Variants in CASD1 observed in about 807,000 individuals in gnomAD.
CASD1 encodes N-acetylneuraminate (7)9-O-acetyltransferase.
In CASD1, 41 loss-of-function variants were observed where a neutral mutation model predicts 100.0. That is an observed-to-expected ratio of 0.41 (90% CI 0.32 to 0.53). CASD1 has a LOEUF of 0.53. Ranked by LOEUF, CASD1 falls within the 20% of genes least tolerant of loss-of-function variation. The probability of loss-of-function intolerance (pLI) is 0.25; values close to 1 mark genes in which losing one functional copy is unlikely to be tolerated. For missense variants in CASD1, 774 were observed against 948.7 expected (o/e 0.82, Z 2.42); for synonymous variants, 321 against 315.6 (o/e 1.02, Z -0.18).
the CASD1 span, among the ~76,000 whole-genome samples, chr7:94,591,486 A>T: frequency 6.6e-6 from 1 of 152,178 alleles, no homozygotes; most frequent in African/African-American, 2.4e-5. Flanking sequence ...ACAAAAATCA[A>T]ACAGGATAAA....
chr7:94,558,795 TTTAA>T (rs569999823), downstream of CASD1, among the ~76,000 whole-genome samples: 18 of 152,244 alleles, frequency 1.2e-4, no homozygotes, highest in Admixed American at 7.2e-4. Context: ...TCTTATTTTA[TTTAA>T]TTAATTAATT....
At chr7:94,587,541 G>A in the CASD1 span, 3 of 1,307,448 alleles carry the variant, frequency 2.3e-6, no homozygotes, top group Non-Finnish European at 1.9e-6. Flanking sequence ...TGTGAAATTA[G>A]TGGTAGTAGG....
At chr7:94,588,361 A>T in the CASD1 span, 2 of 1,130,034 alleles carry the variant, frequency 1.8e-6, no homozygotes. Context: ...CAAATCCTGG[A>T]TGCATCCAAG....
chr7:94,624,442 A>G, the CASD1 span: 1 of 380,860 alleles, frequency 2.6e-6, no homozygotes, highest in South Asian at 1.5e-4. Flanking sequence ...TAAAAGGTAT[A>G]TATTTTGAAA....
At chr7:94,534,540 C>A (rs983641204) in intron 7 of CASD1, among the ~76,000 whole-genome samples, 105 of 152,168 alleles carry the variant, frequency 6.9e-4, no homozygotes, top group Non-Finnish European at 2.4e-4. Flanking sequence ...TAAATTGACA[C>A]CATCTGGTTT....
chr7:94,632,003 G>A, the CASD1 span, among the ~76,000 whole-genome samples: 1 of 151,970 alleles, frequency 6.6e-6, no homozygotes. Context: ...TTGTATCAAT[G>A]CCTATGGAAT....
At chr7:94,567,092 T>C in the CASD1 span, among the ~76,000 whole-genome samples, 9 of 152,294 alleles carry the variant, frequency 5.9e-5, no homozygotes, top group South Asian at 1.5e-3. Flanking sequence ...CTGTGATGTT[T>C]AGTCTTACTG....
chr7:94,631,212 C>T, the CASD1 span, among the ~76,000 whole-genome samples: 1 of 151,830 alleles, frequency 6.6e-6, no homozygotes, highest in Non-Finnish European at 1.5e-5. Flanking sequence ...TACTCAAGAA[C>T]AATGTACTTA....
the CASD1 span, among the ~76,000 whole-genome samples, chr7:94,570,509 C>T: frequency 3.2e-4 from 49 of 151,734 alleles, no homozygotes; most frequent in Admixed American, 1.5e-3. Context: ...CTTTTTTTGG[C>T]GGGGGGATGG....
At position 94,552,403 on chromosome 7, in the gene CASD1, C is replaced by A. The variant is rs1437805342; in HGVS notation, c.2010C>A (p.Leu670=). 1 of 1,610,292 alleles carries A rather than the reference C, an allele frequency of 6.2e-7. No homozygotes were observed. Among genetic ancestry groups the A allele is most frequent in the East Asian group, 2.2e-5 (1 of 44,694 alleles). Residue 670 remains leucine, a synonymous_variant, in exon 16 of 18, where the codon CTC becomes CTA. Coordinates refer to ENST00000297273, the MANE Select transcript of CASD1 (RefSeq NM_022900.5). ...AAAACAAAGCAGAGTGCAATGAACTCCATCCGTCTGTTTCTGTGGTACAGG... is the reference window on the plus strand; with the variant it reads ...AAAACAAAGCAGAGTGCAATGAACTACATCCGTCTGTTTCTGTGGTACAGG... ...SCKNKAECNE[L]HPSVSVVQIL...
rs1344464808 is a variant in CASD1, at chr7:94,509,907, G to GGCGGAGGTCGGGGGC, written c.-175_-161dup. ...AGTCGGCCGCGGCCGAGGAGGGGCA[G>GGCGGAGGTCGGGGGC]GCGGAGGTCGGGGGCGCCGCGGCCG... On this transcript the variant is annotated 5_prime_UTR_variant, in exon 1 of 18. Transcript: ENST00000297273. 7.0e-5 allele frequency: 78 copies of GGCGGAGGTCGGGGGC among 1,108,234 alleles called. No homozygotes were observed. The highest frequency in any genetic ancestry group is 8.6e-5 in the Non-Finnish European group (78 of 907,006). 68.7% of individuals were successfully genotyped at this position (1,108,234 alleles called of 1,614,324 possible).
At chr7:94,518,669 T>C (rs1166034973) in intron 3 of CASD1, among the ~76,000 whole-genome samples, 1 of 152,142 alleles carries the variant, frequency 6.6e-6, no homozygotes, top group Admixed American at 6.5e-5. Flanking sequence ...TTCTTTTTGC[T>C]CATCTCTTTT....
intron 16 of CASD1, 63 bp from the exon 17 acceptor site, chr7:94,554,420 C>CT: frequency 9.4e-7 from 1 of 1,065,340 alleles, no homozygotes; most frequent in Non-Finnish European, 1.4e-6. Flanking sequence ...TAAAAGAAAG[C>CT]TTTATACAAA....
chr7:94,588,310 T>C, the CASD1 span: 1 of 1,074,324 alleles, frequency 9.3e-7, no homozygotes. Flanking sequence ...GGTTTCCTTT[T>C]GTAAGAGAGC....
chr7:94,535,765 C>T (rs1795087177), intron 8 of CASD1, among the ~76,000 whole-genome samples: 1 of 152,104 alleles, frequency 6.6e-6, no homozygotes, highest in Admixed American at 6.6e-5. Flanking sequence ...AATTAAACTT[C>T]ATTTACTGAG....
chr7:94,537,398 T>C, intron 8 of CASD1, 74 bp from the exon 9 acceptor site: 2 of 1,337,040 alleles, frequency 1.5e-6, no homozygotes, highest in East Asian at 2.3e-5. Flanking sequence ...AACTCAGTAG[T>C]ATTCACAGGA....
the CASD1 span, chr7:94,599,344 G>T: frequency 1.0e-5 from 3 of 295,762 alleles, no homozygotes; most frequent in Non-Finnish European, 1.9e-5. Context: ...TCATTTTATG[G>T]TAGGTTATTA....
chr7:94,565,041 T>C, the CASD1 span, among the ~76,000 whole-genome samples: 1 of 152,054 alleles, frequency 6.6e-6, no homozygotes, highest in Non-Finnish European at 1.5e-5. Context: ...TGGTTGTATA[T>C]GTTAAGTAGC....
At chr7:94,621,573 A>G in the CASD1 span, 1 of 152,198 alleles carries the variant, frequency 6.6e-6, no homozygotes, top group Non-Finnish European at 1.5e-5. Flanking sequence ...AAGAAGTTCA[A>G]ACTATAGAAC....
Sources: allele counts gnomAD v4.1 joint callset (sites outside exome capture counted in the v4.1 genomes callset), GRCh38; gene constraint gnomAD v4.1.1; transcripts MANE v1.5; gene names NCBI Gene and HGNC (gene_info 2026-07-23, HGNC 2026-07-21).